Variants in MCM5 observed in about 807,000 individuals in gnomAD.
The protein encoded by MCM5 is minichromosome maintenance complex component 5, also known as DNA replication licensing factor MCM5.
A neutral mutation model predicts 79.9 loss-of-function variants in MCM5; 46 were observed. That is an observed-to-expected ratio of 0.58 (90% CI 0.45 to 0.74). The LOEUF (loss-of-function observed/expected upper bound fraction) is 0.74. MCM5 is among the 30% of genes least tolerant of loss of function. The pLI, the probability that MCM5 is intolerant of heterozygous loss-of-function variation, is 0.00. For missense variants in MCM5, 883 were observed against 1,017.0 expected (o/e 0.87, Z 1.79); for synonymous variants, 404 against 390.5 (o/e 1.03, Z -0.41).
At chr22:35,436,384 TG>T in the MCM5 span, among the ~76,000 whole-genome samples, 3 of 152,142 alleles carry the variant, frequency 2.0e-5, no homozygotes, top group African/African-American at 7.2e-5. Flanking sequence ...CGCTGTTACA[TG>T]TGACAGCATC....
intron 16 of MCM5, 84 bp from the exon 17 acceptor site, chr22:35,424,070 T>A: frequency 1.2e-6 from 1 of 868,384 alleles, no homozygotes; most frequent in Non-Finnish European, 1.8e-6. Context: ...GAGTACAAAG[T>A]TCCCCGTGAG....
At chr22:35,432,719 G>T in the MCM5 span, among the ~76,000 whole-genome samples, 1 of 152,186 alleles carries the variant, frequency 6.6e-6, no homozygotes, top group East Asian at 1.9e-4. Context: ...GTGTGTGCGG[G>T]GGGGTGGTGG....
At chr22:35,445,752 C>T in the MCM5 span, among the ~76,000 whole-genome samples, 114 of 152,218 alleles carry the variant, frequency 7.5e-4, 1 homozygote, top group East Asian at 7.7e-4. Context: ...CTCAGGTGAT[C>T]GGCCCTCCTT....
chr22:35,428,887 A>AC (rs1419346954), downstream of MCM5, among the ~76,000 whole-genome samples: 1 of 143,922 alleles, frequency 6.9e-6, no homozygotes, highest in Non-Finnish European at 1.5e-5. Flanking sequence ...TGAACTCCTG[A>AC]CCTCAAGCGA....
At chr22:35,435,560 T>C in the MCM5 span, among the ~76,000 whole-genome samples, 1 of 152,194 alleles carries the variant, frequency 6.6e-6, no homozygotes, top group African/African-American at 2.4e-5. Context: ...GGCTTATTTT[T>C]GAACTTGGTC....
chr22:35,409,975 T>TA (rs1186038479), intron 6 of MCM5: 1 of 152,310 alleles, frequency 6.6e-6, no homozygotes, highest in Non-Finnish European at 1.5e-5. Context: ...CCTGAAAACT[T>TA]ACGAAGTGGG....
rs2145800469 is a variant in MCM5 at position 35,420,021 on chromosome 22, G to A, written c.1832+9G>A. 2 of 1,603,398 alleles carry A rather than the reference G, an allele frequency of 1.2e-6. No homozygotes were observed. Among genetic ancestry groups the A allele is most frequent in the Non-Finnish European group, 1.7e-6 (2 of 1,173,386 alleles). ...ATCCCCATCACTGTGCGGTGAGCAGGCGGGCAGGGCTGGGCCATGGCAGAT... is the reference window on the plus strand; with the variant it reads ...ATCCCCATCACTGTGCGGTGAGCAGACGGGCAGGGCTGGGCCATGGCAGAT... On this transcript the variant is annotated intron_variant, in intron 14 of 16. Coordinates refer to ENST00000216122, the MANE Select transcript of MCM5 (RefSeq NM_006739.4).
At chr22:35,414,619 AAATAAT>A (rs529566965) in intron 9 of MCM5, among the ~76,000 whole-genome samples, 12 of 151,364 alleles carry the variant, frequency 7.9e-5, no homozygotes, top group African/African-American at 2.7e-4. Context: ...ACCATGTTTC[AAATAAT>A]AATAATAAAT....
At chr22:35,453,524 CAGAA>C in the MCM5 span, among the ~76,000 whole-genome samples, 4 of 150,242 alleles carry the variant, frequency 2.7e-5, no homozygotes, top group African/African-American at 4.9e-5. Flanking sequence ...GCATCAGAGA[CAGAA>C]AGGGGCAGAG....
the MCM5 span, among the ~76,000 whole-genome samples, chr22:35,441,013 C>T: frequency 6.8e-6 from 1 of 147,588 alleles, no homozygotes; most frequent in African/African-American, 2.5e-5. Context: ...GCTGAGATCA[C>T]ACCATTGCAC....
chr22:35,421,220 C>T, intron 14 of MCM5, 98 bp from the exon 15 acceptor site: 2 of 1,323,756 alleles, frequency 1.5e-6, no homozygotes, highest in Non-Finnish European at 2.1e-6. Context: ...CCACCACAGT[C>T]TTACCACTTT....
rs201362121 is a variant in MCM5 at position 35,403,224 on chromosome 22, A to G, written c.185A>G (p.His62Arg). 13 of 1,613,996 alleles carry G rather than the reference A, an allele frequency of 8.1e-6. No individual in the cohort carries two copies. The highest frequency in any genetic ancestry group is 1.7e-5 in the Admixed American group (1 of 59,996). Residue 62 changes from histidine to arginine, a missense_variant, in exon 3 of 17, where the codon CAT (histidine) becomes CGT (arginine). His to Arg is a conservative substitution (Grantham distance 29). Around this residue, in one of 3 missense-constraint regions of MCM5, gnomAD observed 455 missense variants for 517.5 expected, o/e 0.88. Coordinates refer to ENST00000216122, the MANE Select transcript of MCM5 (RefSeq NM_006739.4). ...CACTCCAGGGATGAACTCAAGCGGC[A>G]TTACAACCTGGGGGAGTACTGGATT... ...TFKYRDELKR[H>R]YNLGEYWIEV...
chr22:35,419,070 C>A (rs4645805), intron 13 of MCM5, among the ~76,000 whole-genome samples: 29,839 of 151,936 alleles, frequency 0.2, 3,437 homozygotes, highest in Middle Eastern at 0.31. Flanking sequence ...GTCCCTGATT[C>A]AGCACCTCTG....
chr22:35,434,460 T>A, the MCM5 span, among the ~76,000 whole-genome samples: 1 of 152,174 alleles, frequency 6.6e-6, no homozygotes, highest in African/African-American at 2.4e-5. Context: ...AGGGGAGCTC[T>A]CTGATTGGCT....
the MCM5 span, among the ~76,000 whole-genome samples, chr22:35,433,640 C>T: frequency 6.6e-6 from 1 of 152,208 alleles, no homozygotes; most frequent in African/African-American, 2.4e-5. Flanking sequence ...CCCACTCTGT[C>T]GTCCTGCCCC....
intron 4 of MCM5, among the ~76,000 whole-genome samples, chr22:35,405,769 G>A (rs1326482697): frequency 6.6e-6 from 1 of 152,002 alleles, no homozygotes; most frequent in Non-Finnish European, 1.5e-5. Flanking sequence ...CAGCATTTTG[G>A]GAGGCCGAGG....
the MCM5 span, among the ~76,000 whole-genome samples, chr22:35,433,405 C>A: frequency 6.6e-6 from 1 of 152,170 alleles, no homozygotes; most frequent in Non-Finnish European, 1.5e-5. Context: ...CCTCTCTGAC[C>A]ACAGCTCAGA....
chr22:35,437,976 T>A, the MCM5 span, among the ~76,000 whole-genome samples: 1 of 152,076 alleles, frequency 6.6e-6, no homozygotes, highest in Non-Finnish European at 1.5e-5. Context: ...TTAGTGGTAA[T>A]GTTTGGCCTG....
intron 4 of MCM5, among the ~76,000 whole-genome samples, chr22:35,405,736 G>T (rs969660036): frequency 6.6e-6 from 1 of 152,062 alleles, no homozygotes; most frequent in South Asian, 2.1e-4. Flanking sequence ...ACGGCCGGGC[G>T]CGGTGGCTCA....
Sources: gnomAD v4.1 joint callset for allele counts (sites outside exome capture counted in the v4.1 genomes callset) on GRCh38, gnomAD v4.1.1 for gene constraint, gnomAD v4.1.1 regional missense constraint, MANE v1.5 for transcripts, NCBI Gene and HGNC (gene_info 2026-07-23, HGNC 2026-07-21) for gene names.